ANKIB1: variants seen among roughly 807,000 people sequenced by gnomAD.
ANKIB1 encodes ankyrin repeat and IBR domain-containing protein 1.
A neutral mutation model predicts 122.1 loss-of-function variants in ANKIB1; 43 were observed. The observed-to-expected ratio is 0.35, with a 90% CI of 0.28 to 0.45. ANKIB1 has a LOEUF of 0.45. ANKIB1 is among the 20% of genes least tolerant of loss of function. The pLI, the probability that ANKIB1 is intolerant of heterozygous loss-of-function variation, is 1.00. For synonymous variants in ANKIB1, 390 were observed against 442.0 expected (o/e 0.88, Z 1.48); for missense variants, 992 against 1,329.5 (o/e 0.75, Z 3.95).
At chr7:92,292,834 G>T (rs1389774531) in intron 1 of ANKIB1, among the ~76,000 whole-genome samples, 2 of 152,084 alleles carry the variant, frequency 1.3e-5, no homozygotes, top group Admixed American at 6.5e-5. Flanking sequence ...TTTAAATAGG[G>T]TGGTTATGTA....
chr7:92,384,176 A>AAGGGATG (rs1027524753), intron 11 of ANKIB1, among the ~76,000 whole-genome samples: 2 of 152,180 alleles, frequency 1.3e-5, no homozygotes, highest in African/African-American at 4.8e-5. Context: ...TCCAATTTAC[A>AAGGGATG]AGGGATGTGA....
chr7:92,267,410 C>T (rs1032344731), intron 1 of ANKIB1, among the ~76,000 whole-genome samples: 3 of 152,160 alleles, frequency 2.0e-5, no homozygotes, highest in African/African-American at 7.2e-5. Flanking sequence ...CCAAGAGTGA[C>T]TATTATCATG....
intron 1 of ANKIB1, among the ~76,000 whole-genome samples, chr7:92,263,237 A>G (rs1190466932): frequency 6.6e-6 from 1 of 152,168 alleles, no homozygotes; most frequent in Non-Finnish European, 1.5e-5. Context: ...ATTATCTAAG[A>G]TTTAATTCTG....
At chr7:92,319,686 G>GAA (rs1585105318) in intron 4 of ANKIB1, 174 bp downstream of exon 4, 2 of 637,304 alleles carry the variant, frequency 3.1e-6, no homozygotes, top group East Asian at 6.2e-5. Flanking sequence ...AACCACAGTG[G>GAA]CTCATGCCTG....
At chr7:92,332,511 G>A (rs1257793843) in intron 5 of ANKIB1, among the ~76,000 whole-genome samples, 1 of 152,068 alleles carries the variant, frequency 6.6e-6, no homozygotes, top group Admixed American at 6.6e-5. Flanking sequence ...TTTTAAGAAG[G>A]ACTATGTTAG....
At chr7:92,380,616 G>A (rs1466049536) in intron 11 of ANKIB1, among the ~76,000 whole-genome samples, 2 of 152,204 alleles carry the variant, frequency 1.3e-5, no homozygotes, top group African/African-American at 4.8e-5. Flanking sequence ...CAGGCAAATA[G>A]GGTCTGGAGT....
At chr7:92,347,913 T>C in intron 7 of ANKIB1, 1 of 403,148 alleles carries the variant, frequency 2.5e-6, no homozygotes. Context: ...ATAGTAATCG[T>C]TCAATAAATA....
chr7:92,255,378 G>A (rs538646328), intron 1 of ANKIB1, among the ~76,000 whole-genome samples: 14 of 152,308 alleles, frequency 9.2e-5, no homozygotes, highest in African/African-American at 1.9e-4. Context: ...CTCAAGTAAT[G>A]AGAAATTAGA....
intron 1 of ANKIB1, among the ~76,000 whole-genome samples, chr7:92,285,137 G>T (rs980600920): frequency 6.6e-6 from 1 of 151,940 alleles, no homozygotes; most frequent in East Asian, 1.9e-4. Flanking sequence ...GCACTATCTC[G>T]GCTCACTGCA....
At chr7:92,320,549 C>A (rs1802885847) in intron 4 of ANKIB1, among the ~76,000 whole-genome samples, 1 of 152,190 alleles carries the variant, frequency 6.6e-6, no homozygotes, top group Non-Finnish European at 1.5e-5. Flanking sequence ...GTTGCTCAAG[C>A]ATAAATGGGG....
intron 1 of ANKIB1, among the ~76,000 whole-genome samples, chr7:92,255,954 A>G (rs1389010706): frequency 6.6e-6 from 1 of 152,180 alleles, no homozygotes; most frequent in Admixed American, 6.5e-5. Context: ...TCTCATCCTT[A>G]AAGAGTTTAC....
Position 92,391,335 on chromosome 7 carries a change from C to T in ANKIB1, c.2222C>T (p.Pro741Leu). ...GCTCCTGCAGACTCACCAGAAGCTC[C>T]AAGGCGCAGGTAAAAAGGACGTACA... ...GVAPADSPEA[P>L]RRSFAGGTWD... The change falls in exon 16 of 20, where the codon CCA (proline) becomes CTA (leucine). Residue 741 changes from proline (P) to leucine (L), a missense_variant. Around this residue, in one of 4 missense-constraint regions of ANKIB1, gnomAD observed 521 missense variants for 777.7 expected, o/e 0.67. Transcript: ENST00000265742. The T allele has an allele frequency of 6.2e-7, 1 of 1,611,348 alleles. No homozygotes were observed. The highest frequency in any genetic ancestry group is 8.5e-7 in the Non-Finnish European group (1 of 1,178,460).
chr7:92,268,116 GAAGATACGTC>G (rs1801711969), intron 1 of ANKIB1, among the ~76,000 whole-genome samples: 1 of 152,182 alleles, frequency 6.6e-6, no homozygotes, highest in South Asian at 2.1e-4. Flanking sequence ...TGGGTCCTGA[GAAGATACGTC>G]AAGAAGGAAA....
At chr7:92,365,968 T>C (rs1453017568) in intron 10 of ANKIB1, among the ~76,000 whole-genome samples, 1 of 151,628 alleles carries the variant, frequency 6.6e-6, no homozygotes, top group Non-Finnish European at 1.5e-5. Context: ...GCTAATTTTT[T>C]GTATTTTTAG....
chr7:92,258,918 GT>G (rs1345280611), intron 1 of ANKIB1, among the ~76,000 whole-genome samples: 1 of 151,876 alleles, frequency 6.6e-6, no homozygotes, highest in Non-Finnish European at 1.5e-5. Context: ...CAAAGGCCAG[GT>G]TTTTTGTTTG....
intron 1 of ANKIB1, among the ~76,000 whole-genome samples, chr7:92,258,943 T>TTTTTG (rs367915303): frequency 1.3e-5 from 2 of 152,058 alleles, no homozygotes; most frequent in African/African-American, 2.4e-5. Flanking sequence ...TTTGGAGTTT[T>TTTTTG]TTTTGTTTTG....
chr7:92,339,660 T>A (rs1803393114), intron 5 of ANKIB1, among the ~76,000 whole-genome samples: 1 of 152,226 alleles, frequency 6.6e-6, no homozygotes, highest in African/African-American at 2.4e-5. Flanking sequence ...TGCCCTTAAA[T>A]AAGTTTACAG....
intron 3 of ANKIB1, among the ~76,000 whole-genome samples, chr7:92,314,812 T>C (rs1349124673): frequency 6.6e-6 from 1 of 152,182 alleles, no homozygotes; most frequent in African/African-American, 2.4e-5. Flanking sequence ...CCCCAGACAT[T>C]GGTAAGTTGA....
intron 1 of ANKIB1, among the ~76,000 whole-genome samples, chr7:92,284,868 A>G (rs1463025944): frequency 1.3e-5 from 2 of 152,252 alleles, no homozygotes; most frequent in Non-Finnish European, 2.9e-5. Context: ...TTCATTTTCC[A>G]GTGAACAACT....
Sources: allele counts gnomAD v4.1 joint callset (sites outside exome capture counted in the v4.1 genomes callset), GRCh38; gene constraint gnomAD v4.1.1; regional missense constraint gnomAD v4.1.1; transcripts MANE v1.5; gene names NCBI Gene and HGNC (gene_info 2026-07-23, HGNC 2026-07-21).